Variants in PCDH15 observed in about 807,000 individuals in gnomAD.
The protein encoded by PCDH15 is protocadherin-15.
Under a neutral mutation model 178.5 loss-of-function variants are expected in PCDH15, and 129 were observed. That is an observed-to-expected ratio of 0.72 (90% CI 0.63 to 0.84). PCDH15 has a LOEUF of 0.84. Ranked by LOEUF, PCDH15 falls within the 40% of genes least tolerant of loss-of-function variation. The pLI is 0.00. For missense variants in PCDH15, 2,230 were observed against 2,099.9 expected (o/e 1.06, Z -1.21); for synonymous variants, 800 against 732.0 (o/e 1.09, Z -1.50).
chr10:55,193,573 C>G (rs950504049), intron 1 of PCDH15, among the ~76,000 whole-genome samples: 2 of 151,682 alleles, frequency 1.3e-5, no homozygotes, highest in African/African-American at 4.8e-5. Context: ...TTTTATTTTT[C>G]TCAGAAGAAA....
In PCDH15 at chr10:55,422,648, C is replaced by T. The variant is rs1838651145; in HGVS notation, c.-156+204977G>A. ...GTGAAAGAAATCGAAAGATCTTTTC[C>T]AACATAGCAGCTTATTGAGTTCAGG... On this transcript the variant is annotated intron_variant, in intron 2 of 5. Coordinates refer to the PCDH15 transcript ENST00000613346. Among the ~76,000 whole-genome samples, 6 of 151,602 alleles carry T rather than the reference C, an allele frequency of 4.0e-5. No homozygotes were observed. The South Asian group carries it at 1.2e-3, about 31-fold the overall frequency.
intron 28 of PCDH15, among the ~76,000 whole-genome samples, chr10:53,843,073 T>C (rs1476076540): frequency 6.6e-6 from 1 of 152,180 alleles, no homozygotes; most frequent in African/African-American, 2.4e-5. Flanking sequence ...ACTGTACCAA[T>C]TCCTTCATGG....
At position 55,623,436 on chromosome 10, in the gene PCDH15, A is replaced by G. The variant is rs144175501; in HGVS notation, c.-156+4189T>C. On this transcript the variant is annotated intron_variant, in intron 2 of 5. Coordinates refer to the PCDH15 transcript ENST00000613346. Reference sequence around the variant, plus strand: ...TTTTAAAACACAAATCAATCCTGTTAAGGAATCCATTAAATCACTATTAGT... The same window carrying G: ...TTTTAAAACACAAATCAATCCTGTTGAGGAATCCATTAAATCACTATTAGT... Among the ~76,000 whole-genome samples, 307 of 152,176 alleles carry G rather than the reference A, an allele frequency of 2.0e-3. 3 individuals carry two copies. The highest frequency in any genetic ancestry group is 1.7e-3 in the Non-Finnish European group (118 of 68,012).
intron 2 of PCDH15, among the ~76,000 whole-genome samples, chr10:55,410,255 A>G (rs1420254137): frequency 6.6e-6 from 1 of 152,118 alleles, no homozygotes; most frequent in Admixed American, 6.6e-5. Context: ...ATCATATTTG[A>G]ACACTGTATT....
At chr10:55,161,899 G>A (rs540093677) in intron 2 of PCDH15, among the ~76,000 whole-genome samples, 11 of 152,194 alleles carry the variant, frequency 7.2e-5, no homozygotes, top group African/African-American at 2.4e-4. Context: ...CTGTGAATGC[G>A]CTTATTATTC....
chr10:54,240,231 A>C (rs2055093443), intron 8 of PCDH15, among the ~76,000 whole-genome samples: 1 of 151,930 alleles, frequency 6.6e-6, no homozygotes, highest in Non-Finnish European at 1.5e-5. Flanking sequence ...AACAGAAGTA[A>C]AATAATAATA....
chr10:54,843,318 T>C (rs1423412928), intron 3 of PCDH15, among the ~76,000 whole-genome samples: 3 of 151,978 alleles, frequency 2.0e-5, no homozygotes, highest in East Asian at 1.9e-4. Flanking sequence ...TATATTAATA[T>C]GTAAGCTTAA....
chr10:54,749,743 CAA>C (rs143332136), intron 1 of PCDH15, among the ~76,000 whole-genome samples: 56 of 152,190 alleles, frequency 3.7e-4, no homozygotes, highest in African/African-American at 1.3e-3. Flanking sequence ...ATGCAATTGA[CAA>C]AGTTAAATAT....
intron 2 of PCDH15, among the ~76,000 whole-genome samples, chr10:55,024,802 C>G (rs757370344): frequency 1.2e-4 from 19 of 152,166 alleles, no homozygotes; most frequent in Non-Finnish European, 1.9e-4. Context: ...ATTCCCACTG[C>G]CACTGGGTTT....
intron 32 of PCDH15, 130 bp downstream of exon 32, chr10:53,827,263 C>T: frequency 3.9e-6 from 5 of 1,283,436 alleles, no homozygotes; most frequent in Admixed American, 2.9e-5. Flanking sequence ...AACAAATTTT[C>T]TCTTGAAAAT....
At chr10:54,622,105 G>C (rs2093369034) in intron 2 of PCDH15, among the ~76,000 whole-genome samples, 1 of 151,836 alleles carries the variant, frequency 6.6e-6, no homozygotes, top group Admixed American at 6.6e-5. Context: ...GAGTCTGTGG[G>C]GAAGGCTGGT....
chr10:55,604,802 CA>C (rs1220738084), intron 2 of PCDH15, among the ~76,000 whole-genome samples: 1 of 124,398 alleles, frequency 8.0e-6, no homozygotes, highest in Non-Finnish European at 1.7e-5. Flanking sequence ...AGGAAAGATC[CA>C]AAATTGACAC....
rs191488157 is a variant in PCDH15 at position 55,255,421 on chromosome 10, A to C, written c.-156+64178T>G. On this transcript the variant is annotated intron_variant, in intron 1 of 5. Transcript: ENST00000458638. ...AGTGCCACAATAAACATATGTGTGC[A>C]TGTGTCTTTATAGCAGCATGATTTA... Among the ~76,000 whole-genome samples the C allele has an allele frequency of 2.1e-3, 317 of 152,306 alleles. 1 individual carries two copies. The highest frequency in any genetic ancestry group is 6.8e-3 in the African/African-American group (282 of 41,568).
chr10:54,826,292 T>C (rs114606619), intron 3 of PCDH15, among the ~76,000 whole-genome samples: 3 of 151,998 alleles, frequency 2.0e-5, no homozygotes, highest in African/African-American at 7.2e-5. Context: ...ATCAGCTATA[T>C]TGCTTTGTGG....
chr10:55,104,196 A>ATT (rs34411241), intron 2 of PCDH15, among the ~76,000 whole-genome samples: 1 of 148,960 alleles, frequency 6.7e-6, no homozygotes, highest in South Asian at 2.1e-4. Flanking sequence ...CCTTTGTAGC[A>ATT]TTTTTTTTTT....
intron 1 of PCDH15, among the ~76,000 whole-genome samples, chr10:55,212,732 A>C (rs1840601987): frequency 6.6e-6 from 1 of 152,064 alleles, no homozygotes; most frequent in South Asian, 2.1e-4. Flanking sequence ...GAGTAGCATA[A>C]GCCTGAAGTT....
intron 13 of PCDH15, among the ~76,000 whole-genome samples, chr10:54,162,967 G>A (rs1269771406): frequency 6.0e-5 from 9 of 151,194 alleles, no homozygotes; most frequent in Non-Finnish European, 8.9e-5. Flanking sequence ...AGTGTGGGAT[G>A]AAATATAAAC....
intron 2 of PCDH15, among the ~76,000 whole-genome samples, chr10:55,542,172 G>A (rs563902355): frequency 6.7e-6 from 1 of 149,864 alleles, no homozygotes; most frequent in East Asian, 2.0e-4. Flanking sequence ...ATGTACATAT[G>A]TACAGTATGT....
rs147600241 is a variant in PCDH15 at position 54,229,444 on chromosome 10, A to G, written c.985+7379T>C. Among the ~76,000 whole-genome samples, 4 of 152,294 alleles carry G rather than the reference A, an allele frequency of 2.6e-5. No homozygotes were observed. In the East Asian group the frequency reaches 7.7e-4, roughly 29 times the overall value. ...AAGTTATGTATTCATTATAAAATGT[A>G]GCTATCATTAACTAAATGATATGGT... On this transcript the variant is annotated intron_variant, in intron 9 of 37. Transcript: ENST00000644397.
Sources: gnomAD v4.1 joint callset for allele counts (sites outside exome capture counted in the v4.1 genomes callset) on GRCh38, gnomAD v4.1.1 for gene constraint, MANE v1.5 for transcripts, NCBI Gene and HGNC (gene_info 2026-07-23, HGNC 2026-07-21) for gene names.